The following PDZD2 variants were observed in gnomAD, a reference collection of about 807,000 sequenced individuals.
PDZD2 encodes the protein PDZ domain-containing protein 2.
PDZD2 carries 90 observed loss-of-function variants against 220.7 expected under a neutral mutation model. That is an observed-to-expected ratio of 0.41 (90% CI 0.34 to 0.49). PDZD2 has a LOEUF of 0.49. Ranked by LOEUF, PDZD2 falls within the 20% of genes least tolerant of loss-of-function variation. PDZD2 has a pLI of 0.28. For synonymous variants in PDZD2, 1,375 were observed against 1,450.5 expected, an observed-to-expected ratio of 0.95 and a Z score of 1.18; for missense variants, 3,174 against 3,608.5, an observed-to-expected ratio of 0.88 and a Z score of 3.08.
intron 1 of PDZD2, among the ~76,000 whole-genome samples, chr5:31,648,013 G>A (rs423189): frequency 0.14 from 20,896 of 152,090 alleles, 1,777 homozygotes; most frequent in East Asian, 0.25. Flanking sequence ...CATGGCTGGG[G>A]AAATAGATGG....
intron 7 of PDZD2, among the ~76,000 whole-genome samples, chr5:32,041,754 G>T (rs867770902): frequency 2.6e-5 from 4 of 151,828 alleles, no homozygotes; most frequent in Non-Finnish European, 5.9e-5. Flanking sequence ...CTTTGTTCAC[G>T]TGTTTATCTG....
chr5:31,906,410 A>C (rs1377788258), intron 2 of PDZD2, among the ~76,000 whole-genome samples: 1 of 151,140 alleles, frequency 6.6e-6, no homozygotes, highest in Non-Finnish European at 1.5e-5. Context: ...GGGTTTCGCC[A>C]TGTTACCCAG....
chr5:31,855,944 G>T (rs1039076624), intron 2 of PDZD2, among the ~76,000 whole-genome samples: 1 of 152,162 alleles, frequency 6.6e-6, no homozygotes, highest in Non-Finnish European at 1.5e-5. Flanking sequence ...GGTAACTACA[G>T]CTGTCATCCT....
intron 1 of PDZD2, among the ~76,000 whole-genome samples, chr5:31,735,552 A>G (rs536734554): frequency 6.6e-6 from 1 of 152,302 alleles, no homozygotes; most frequent in South Asian, 2.1e-4. Context: ...TAATCCCAGC[A>G]CTTTGGGAGG....
At position 32,000,223 on chromosome 5, in the gene PDZD2, C is replaced by T. The variant is rs757994499; in HGVS notation, c.1206C>T (p.Ala402=). The T allele has an allele frequency of 6.2e-7, 1 of 1,614,002 alleles. No individual in the cohort carries two copies. The highest frequency in any genetic ancestry group is 8.5e-7 in the Non-Finnish European group (1 of 1,179,986). Residue 402 remains alanine, a synonymous_variant, in exon 5 of 25, where the codon GCC becomes GCT. Transcript: ENST00000438447. This position sits in a 1 kb window ranked among gnomAD's most constrained non-coding sequence, Gnocchi z 4.5. ...LVGLSHEEAV[A]ILRSATGMVQ... is the part of the protein sequence containing the mutation. ...GGCTCTCCCACGAGGAAGCAGTGGC[C>T]ATTCTTCGCTCCGCCACGGGAATGG...
rs182395885 is a variant in PDZD2 at position 32,000,209 on chromosome 5, G to C, written c.1192G>C (p.Glu398Gln). The change falls in exon 5 of 25, where the codon GAG becomes CAG. Residue 398 changes from glutamate (E) to glutamine (Q), a missense_variant. Transcript: ENST00000438447. The surrounding 1 kb of genome is among the most constrained non-coding windows in gnomAD (Gnocchi z 4.5). ...TCATTTACTGGTCGGGCTCTCCCACGAGGAAGCAGTGGCCATTCTTCGCTC... is the reference window on the plus strand; with the variant it reads ...TCATTTACTGGTCGGGCTCTCCCACCAGGAAGCAGTGGCCATTCTTCGCTC... The part of the protein sequence containing the change: ...NGHLLVGLSH[E>Q]EAVAILRSAT... 6.2e-7 allele frequency: 1 copy of C among 1,613,984 alleles called. No homozygotes were observed. Among genetic ancestry groups the C allele is most frequent in the Non-Finnish European group, 8.5e-7 (1 of 1,179,966 alleles).
intron 1 of PDZD2, among the ~76,000 whole-genome samples, chr5:31,707,591 T>C (rs1222811825): frequency 1.3e-5 from 2 of 152,184 alleles, no homozygotes; most frequent in African/African-American, 2.4e-5. Context: ...ACAGTCTGTA[T>C]AGAAAGATAG....
At chr5:31,703,742 A>G (rs1300483364) in intron 1 of PDZD2, among the ~76,000 whole-genome samples, 1 of 152,152 alleles carries the variant, frequency 6.6e-6, no homozygotes, top group Admixed American at 6.5e-5. Context: ...TCATTCTCAC[A>G]TTGCCCAATG....
At chr5:31,775,891 G>A (rs1752618305) in intron 1 of PDZD2, among the ~76,000 whole-genome samples, 1 of 152,092 alleles carries the variant, frequency 6.6e-6, no homozygotes, top group Non-Finnish European at 1.5e-5. Flanking sequence ...GCTCTCCCGG[G>A]CCCTGTGGAT....
At chr5:31,722,783 G>C (rs188478811) in intron 1 of PDZD2, among the ~76,000 whole-genome samples, 1 of 151,414 alleles carries the variant, frequency 6.6e-6, no homozygotes, top group African/African-American at 2.4e-5. Flanking sequence ...TCTGCCTCCC[G>C]GGCTCAAGCG....
intron 2 of PDZD2, among the ~76,000 whole-genome samples, chr5:31,858,056 A>G (rs552443952): frequency 6.6e-6 from 1 of 151,586 alleles, no homozygotes; most frequent in South Asian, 2.1e-4. Flanking sequence ...GAACTCCTGA[A>G]CTCAGGTGAT....
intron 2 of PDZD2, among the ~76,000 whole-genome samples, chr5:31,881,372 ATAT>A (rs369606315): frequency 0.033 from 4,205 of 125,930 alleles, 125 homozygotes; most frequent in Non-Finnish European, 0.044. Flanking sequence ...GTGTGTGTAT[ATAT>A]TTTTTTTTTT....
intron 6 of PDZD2, among the ~76,000 whole-genome samples, chr5:32,022,200 G>GTT (rs112079985): frequency 4.3e-5 from 4 of 92,474 alleles, no homozygotes; most frequent in African/African-American, 1.4e-4. Context: ...TTTGTTTTTT[G>GTT]TTTTTTTTTG....
At chr5:32,077,723 G>A (rs1490265345) in intron 19 of PDZD2, 117 bp downstream of exon 19, 8 of 1,006,788 alleles carry the variant, frequency 7.9e-6, no homozygotes, top group African/African-American at 3.2e-5. Context: ...CTGGGAGGCC[G>A]AGGTGGGCGG....
At chr5:32,033,090 C>T (rs896529611) in intron 6 of PDZD2, among the ~76,000 whole-genome samples, 10 of 152,208 alleles carry the variant, frequency 6.6e-5, no homozygotes, top group African/African-American at 2.4e-4. Flanking sequence ...TTTTGTAACA[C>T]ATGAATTAGA....
chr5:31,829,568 C>T (rs979214353), intron 2 of PDZD2, among the ~76,000 whole-genome samples: 7 of 151,914 alleles, frequency 4.6e-5, no homozygotes, highest in Admixed American at 1.3e-4. Context: ...CCACCCGCCT[C>T]GGCCTCCCAA....
chr5:31,776,035 A>G (rs73058467), intron 1 of PDZD2, among the ~76,000 whole-genome samples: 2,846 of 152,234 alleles, frequency 0.019, 104 homozygotes, highest in African/African-American at 0.066. Context: ...AAGCTAGCCA[A>G]TGGAACAGAA....
rs1271257468 is a variant in PDZD2 at position 31,675,760 on chromosome 5, G to A, written c.-361+36323G>A. ...CACCCAGACTGGAGTGCAATGGAGT[G>A]ATCTTGGCTCACAGCAACGTCCACC... On this transcript the variant is annotated intron_variant, in intron 1 of 24. Transcript: ENST00000438447. Among the ~76,000 whole-genome samples the A allele has an allele frequency of 2.0e-5, 3 of 152,246 alleles. No homozygotes were observed. In the East Asian group the frequency reaches 5.8e-4, roughly 29 times the overall value.
chr5:32,002,038 G>C (rs1001973990), intron 5 of PDZD2, among the ~76,000 whole-genome samples: 3 of 152,158 alleles, frequency 2.0e-5, no homozygotes, highest in Non-Finnish European at 2.9e-5. Flanking sequence ...TTTCAAACCT[G>C]GCGTCATAGG....
Sources: allele counts gnomAD v4.1 joint callset (sites outside exome capture counted in the v4.1 genomes callset), GRCh38; gene constraint gnomAD v4.1.1; non-coding constraint Gnocchi (gnomAD v3.1); transcripts MANE v1.5; gene names NCBI Gene and HGNC (gene_info 2026-07-23, HGNC 2026-07-21).